Variants in CEP128 observed in about 807,000 individuals in gnomAD.
CEP128 encodes the protein centrosomal protein 128kDa.
Under a neutral mutation model 156.7 loss-of-function variants are expected in CEP128, and 132 were observed. The observed-to-expected ratio is 0.84, with a 90% CI of 0.73 to 0.97. The LOEUF (loss-of-function observed/expected upper bound fraction) is 0.97, where lower values mean the gene tolerates loss of function less well. Ranked by LOEUF, CEP128 falls within the 50% of genes least tolerant of loss-of-function variation. The pLI, the probability that CEP128 is intolerant of heterozygous loss-of-function variation, is 0.00. For missense variants in CEP128, 1,252 were observed against 1,281.9 expected, an observed-to-expected ratio of 0.98 and a Z score of 0.36; for synonymous variants, 469 against 448.9, an observed-to-expected ratio of 1.04 and a Z score of -0.57.
At chr14:80,958,487 C>A (rs1287105786) in intron 1 of CEP128, among the ~76,000 whole-genome samples, 1 of 152,072 alleles carries the variant, frequency 6.6e-6, no homozygotes, top group East Asian at 1.9e-4. Flanking sequence ...AAACAAGTCA[C>A]ATTCAGTAAA....
Position 80,545,309 on chromosome 14 carries a change from G to A in CEP128, c.2880+13970C>T, listed in dbSNP as rs530881449. 1.2e-4 allele frequency among the ~76,000 whole-genome samples: 18 copies of A among 152,234 alleles called. No individual in the cohort carries two copies. In the South Asian group the frequency reaches 1.9e-3, roughly 16 times the overall value. ...AAGGCAATGAGTGTGATGCAACAAA[G>A]GATTAACACAAGAGTAGTAAGAGGA... On this transcript the variant is annotated intron_variant, in intron 21 of 24. Transcript: ENST00000555265.
chr14:80,595,545 G>A (rs1892277150), intron 19 of CEP128, among the ~76,000 whole-genome samples: 1 of 152,032 alleles, frequency 6.6e-6, no homozygotes, highest in Non-Finnish European at 1.5e-5. Flanking sequence ...ATGATATGGT[G>A]GTATCACATA....
chr14:80,777,806 T>G (rs1248389938), intron 16 of CEP128, 76 bp downstream of exon 16: 2 of 1,143,114 alleles, frequency 1.7e-6, no homozygotes, highest in Non-Finnish European at 2.5e-6. Flanking sequence ...TATCATTTGT[T>G]GATATATAAA....
intron 19 of CEP128, among the ~76,000 whole-genome samples, chr14:80,680,185 G>A (rs1340471249): frequency 6.6e-6 from 1 of 152,166 alleles, no homozygotes; most frequent in Admixed American, 6.5e-5. Context: ...TGGGATGAGA[G>A]CTGCTACAGC....
intron 4 of CEP128, among the ~76,000 whole-genome samples, chr14:80,907,836 A>G (rs918297724): frequency 3.3e-5 from 5 of 152,196 alleles, no homozygotes; most frequent in Admixed American, 3.3e-4. Context: ...CAAAATTATC[A>G]GAATAAAACT....
intron 19 of CEP128, among the ~76,000 whole-genome samples, chr14:80,670,035 G>A (rs948332532): frequency 5.3e-5 from 8 of 152,002 alleles, no homozygotes; most frequent in African/African-American, 9.7e-5. Context: ...GAGAGAGGAG[G>A]GGAGATGCCA....
chr14:80,643,132 G>A (rs868021849), intron 19 of CEP128, among the ~76,000 whole-genome samples: 8 of 152,140 alleles, frequency 5.3e-5, no homozygotes, highest in South Asian at 4.1e-4. Flanking sequence ...CCCAAAGATC[G>A]AAGAGCATGA....
chr14:80,770,932 C>G (rs1255962700), intron 16 of CEP128, among the ~76,000 whole-genome samples: 1 of 152,094 alleles, frequency 6.6e-6, no homozygotes, highest in Non-Finnish European at 1.5e-5. Context: ...CATCAAATAC[C>G]TCTTAGTCAA....
rs779074582 is a variant in CEP128 at position 80,785,356 on chromosome 14, A to T, written c.1750T>A (p.Ser584Thr). ...QADLELEVKN[S>T]LDTIHRLESE... Reference sequence around the variant, plus strand: ...TCCAGTCTATGGATGGTATCCAGGGAATTCTTAACTTCCAATTCAAGGTCA... The same window carrying T: ...TCCAGTCTATGGATGGTATCCAGGGTATTCTTAACTTCCAATTCAAGGTCA... Residue 584 changes from serine (S) to threonine (T), a missense_variant, in exon 15 of 25, where the codon TCC (serine) becomes ACC (threonine). Ser to Thr is a moderately conservative substitution (Grantham distance 58, BLOSUM62 1). Coordinates refer to ENST00000555265, the MANE Select transcript of CEP128 (RefSeq NM_152446.5). 6.2e-7 allele frequency: 1 copy of T among 1,614,102 alleles called. No individual in the cohort carries two copies. The highest frequency in any genetic ancestry group is 8.5e-7 in the Non-Finnish European group (1 of 1,179,994).
At chr14:80,957,387 C>T (rs2139675323) in intron 2 of CEP128, among the ~76,000 whole-genome samples, 1 of 151,760 alleles carries the variant, frequency 6.6e-6, no homozygotes, top group South Asian at 2.1e-4. Context: ...AAGCAGGACA[C>T]AAGCTTCTCT....
At chr14:80,573,089 A>ATT (rs34024851) in intron 20 of CEP128, among the ~76,000 whole-genome samples, 25,165 of 144,740 alleles carry the variant, frequency 0.17, 2,356 homozygotes, top group East Asian at 0.2. Flanking sequence ...CGCCTGACTA[A>ATT]TTTTTTTTTT....
At chr14:80,490,921 T>A (rs1887302827) in intron 6 of CEP128, among the ~76,000 whole-genome samples, 1 of 152,180 alleles carries the variant, frequency 6.6e-6, no homozygotes, top group African/African-American at 2.4e-5. Context: ...GTAACACAGA[T>A]CGTTGGCGCC....
intron 1 of CEP128, among the ~76,000 whole-genome samples, chr14:80,941,180 T>C (rs1886133029): frequency 6.6e-6 from 1 of 151,876 alleles, no homozygotes; most frequent in South Asian, 2.1e-4. Flanking sequence ...AAAACAGGTA[T>C]TAAAAAAAAA....
intron 20 of CEP128, among the ~76,000 whole-genome samples, chr14:80,575,032 A>T (rs969628532): frequency 6.6e-6 from 1 of 151,492 alleles, no homozygotes; most frequent in East Asian, 1.9e-4. Flanking sequence ...GTCTCAGAAA[A>T]ATCAGTCACT....
At chr14:80,681,156 C>A (rs1896308751) in intron 19 of CEP128, among the ~76,000 whole-genome samples, 1 of 151,996 alleles carries the variant, frequency 6.6e-6, no homozygotes, top group South Asian at 2.1e-4. Context: ...CCAAGAGACC[C>A]TACCCATGAT....
In CEP128 at chr14:80,809,453, A is replaced by T. The variant is rs1884378075; in HGVS notation, c.1210-16343T>A. Among the ~76,000 whole-genome samples the T allele has an allele frequency of 3.3e-5, 5 of 152,330 alleles. No homozygotes were observed. The South Asian group carries it at 1.0e-3, about 32-fold the overall frequency. On this transcript the variant is annotated intron_variant, in intron 13 of 24. Transcript: ENST00000555265. ...GATTCAAAAACCTACTTAACAAAAT[A>T]ATAGATAAAAACTTCTCAAGTCTTG...
chr14:80,545,744 C>T (rs977650578), intron 21 of CEP128, among the ~76,000 whole-genome samples: 3 of 152,136 alleles, frequency 2.0e-5, no homozygotes. Context: ...GAAATTAAGT[C>T]TGTGTTAATG....
intron 19 of CEP128, among the ~76,000 whole-genome samples, chr14:80,628,724 C>A (rs1035498915): frequency 2.0e-5 from 3 of 152,280 alleles, no homozygotes; most frequent in Admixed American, 2.0e-4. Context: ...TTAAGGGTAA[C>A]ATACCTGATT....
At chr14:80,935,005 A>T (rs1885700934) in intron 2 of CEP128, among the ~76,000 whole-genome samples, 1 of 152,182 alleles carries the variant, frequency 6.6e-6, no homozygotes, top group Admixed American at 6.5e-5. Flanking sequence ...TCCTCATAAC[A>T]TTATTATTAT....
Sources: allele counts gnomAD v4.1 joint callset (sites outside exome capture counted in the v4.1 genomes callset), GRCh38; gene constraint gnomAD v4.1.1; transcripts MANE v1.5; gene names NCBI Gene and HGNC (gene_info 2026-07-23, HGNC 2026-07-21).